NT5DC3: variants seen among roughly 807,000 people sequenced by gnomAD.
NT5DC3 encodes 5'-nucleotidase domain-containing protein 3.
In NT5DC3, 42 loss-of-function variants were observed where a neutral mutation model predicts 67.8. The ratio of observed to expected loss-of-function variants is 0.62; its 90% CI spans 0.48 to 0.80. NT5DC3 has a LOEUF of 0.80. Ranked by LOEUF, NT5DC3 falls within the 30% of genes least tolerant of loss-of-function variation. The pLI, the probability that NT5DC3 is intolerant of heterozygous loss-of-function variation, is 0.00. For synonymous variants in NT5DC3, 237 were observed against 255.6 expected (o/e 0.93, Z 0.69); for missense variants, 570 against 696.4 (o/e 0.82, Z 2.04).
chr12:103,757,926 C>G, the NT5DC3 span: 1 of 537,070 alleles, frequency 1.9e-6, no homozygotes, highest in Non-Finnish European at 3.3e-6. Context: ...AAGGGCTGCT[C>G]AAGCAGCCAC....
rs1885224341 is a variant in NT5DC3, at chr12:103,772,906, C to T, written c.*4923G>A. 6.6e-6 allele frequency: 1 copy of T among 152,236 alleles called. No individual in the cohort carries two copies. The highest frequency in any genetic ancestry group is 6.5e-5 in the Admixed American group (1 of 15,270). The allele number at this position is 152,236 out of a possible 1,614,324, so 9.4% of individuals were successfully genotyped here. On this transcript the variant is annotated 3_prime_UTR_variant, in exon 14 of 14. Coordinates refer to ENST00000392876, the MANE Select transcript of NT5DC3 (RefSeq NM_001031701.3). ...CCAGCTGTTAGGGGAGTATGTCCTT[C>T]AGTCTGGAAAGGTCATCCGGGCAGC... is the stretch of plus-strand genomic sequence containing the variant.
At chr12:103,772,034 C>A (rs1885196595), downstream of NT5DC3, among the ~76,000 whole-genome samples, 1 of 152,126 alleles carries the variant, frequency 6.6e-6, no homozygotes, top group Non-Finnish European at 1.5e-5. Flanking sequence ...GCTCTGAAAA[C>A]AAGTGGGTGT....
chr12:103,749,557 C>T, the NT5DC3 span, among the ~76,000 whole-genome samples: 63 of 151,682 alleles, frequency 4.2e-4, no homozygotes, highest in Non-Finnish European at 5.3e-4. Flanking sequence ...TGGCCGGGCA[C>T]GGTGGCTCAC....
chr12:103,816,967 C>CTTTTTTTTTTTTTT (rs376622215), intron 1 of NT5DC3, among the ~76,000 whole-genome samples: 9 of 118,950 alleles, frequency 7.6e-5, no homozygotes, highest in East Asian at 4.7e-4. Context: ...TTTCTTTTTT[C>CTTTTTTTTTTTTTT]TTTTTTTTTT....
chr12:103,782,297 G>A (rs774259921), intron 12 of NT5DC3, among the ~76,000 whole-genome samples: 5 of 152,208 alleles, frequency 3.3e-5, no homozygotes, highest in Admixed American at 6.5e-5. Context: ...GAGCCTGGGA[G>A]GCAGAGGCTG....
At chr12:103,759,261 C>T in the NT5DC3 span, 1 of 1,614,056 alleles carries the variant, frequency 6.2e-7, no homozygotes, top group Non-Finnish European at 8.5e-7. Flanking sequence ...CCAGCCAGGA[C>T]CCACTCCAAC....
the NT5DC3 span, chr12:103,758,999 C>T: frequency 6.9e-7 from 1 of 1,457,386 alleles, no homozygotes; most frequent in African/African-American, 1.4e-5. Flanking sequence ...AAAACCTTGA[C>T]ATTTCCTGAT....
At chr12:103,753,428 G>A in the NT5DC3 span, 1 of 1,601,486 alleles carries the variant, frequency 6.2e-7, no homozygotes, top group South Asian at 1.1e-5. Flanking sequence ...TTAAGATGGG[G>A]AAGACTTGAG....
the NT5DC3 span, chr12:103,746,441 C>T: frequency 4.6e-6 from 3 of 652,994 alleles, no homozygotes; most frequent in African/African-American, 5.4e-5. Flanking sequence ...ATCTCCAAGG[C>T]TAGAAAAGAC....
intron 1 of NT5DC3, among the ~76,000 whole-genome samples, chr12:103,836,312 T>G (rs983823049): frequency 6.6e-6 from 1 of 152,114 alleles, no homozygotes; most frequent in Non-Finnish European, 1.5e-5. Context: ...ACAAGATAAG[T>G]CCCTTCCGCC....
At chr12:103,820,581 T>A (rs182918985) in intron 1 of NT5DC3, among the ~76,000 whole-genome samples, 1 of 152,252 alleles carries the variant, frequency 6.6e-6, no homozygotes, top group East Asian at 1.9e-4. Context: ...GCTAAATGAC[T>A]CTCCCTTAGT....
rs1593400765 is a variant in NT5DC3 at position 103,796,764 on chromosome 12, C to A, written c.753+130G>T. ...TTTCTTGTAATGTTCAAGGTTAAAC[C>A]ACATATAAGAGTTCCCAGCTAAGAG... On this transcript the variant is annotated intron_variant, in intron 6 of 13. Coordinates refer to ENST00000392876, the MANE Select transcript of NT5DC3 (RefSeq NM_001031701.3). The A allele has an allele frequency of 1.7e-5, 15 of 860,436 alleles. No individual in the cohort carries two copies. In the East Asian group the frequency reaches 3.2e-4, roughly 18 times the overall value. The allele number at this position is 860,436 out of a possible 1,614,324, so 53.3% of individuals were successfully genotyped here. A position where few individuals can be genotyped will look rare whatever the true frequency, so the allele number is the denominator to read the frequency against.
At chr12:103,822,238 A>C (rs1887521256) in intron 1 of NT5DC3, among the ~76,000 whole-genome samples, 1 of 152,102 alleles carries the variant, frequency 6.6e-6, no homozygotes, top group Non-Finnish European at 1.5e-5. Flanking sequence ...ACAGATTTGC[A>C]ACATAAGATT....
At chr12:103,795,245 T>C (rs917497357) in intron 6 of NT5DC3, among the ~76,000 whole-genome samples, 2 of 152,224 alleles carry the variant, frequency 1.3e-5, no homozygotes, top group Non-Finnish European at 2.9e-5. Flanking sequence ...TCGATGTCCT[T>C]ATTTGTAAAA....
chr12:103,775,000 G>C lies in NT5DC3; in HGVS notation c.*2829C>G, dbSNP rs978040668. 2 of 135,410 alleles carry C rather than the reference G, an allele frequency of 1.5e-5. No individual in the cohort carries two copies. Among genetic ancestry groups the C allele is most frequent in the Non-Finnish European group, 3.1e-5 (2 of 64,844 alleles). 8.4% of individuals were successfully genotyped at this position (135,410 alleles called of 1,614,324 possible). On this transcript the variant is annotated 3_prime_UTR_variant, in exon 14 of 14. Transcript: ENST00000392876. ...CACTCCAGAATGGGCAACAGAGCGA[G>C]ACCTTGCCTCAAAAAAAAAAAAAAA...
At chr12:103,817,337 C>T (rs1887306286) in intron 1 of NT5DC3, among the ~76,000 whole-genome samples, 1 of 152,144 alleles carries the variant, frequency 6.6e-6, no homozygotes, top group African/African-American at 2.4e-5. Flanking sequence ...ACAGACTATC[C>T]TATTTTGCTA....
intron 1 of NT5DC3, among the ~76,000 whole-genome samples, chr12:103,836,794 T>C (rs1299960497): frequency 3.9e-5 from 6 of 152,264 alleles, no homozygotes; most frequent in African/African-American, 1.4e-4. Context: ...TCCTGTGGCT[T>C]TGCAGGGTAC....
chr12:103,837,071 T>A (rs529197892), intron 1 of NT5DC3, among the ~76,000 whole-genome samples: 1 of 152,324 alleles, frequency 6.6e-6, no homozygotes, highest in East Asian at 1.9e-4. Context: ...TTTCCATACA[T>A]CTTCTGAAAT....
chr12:103,834,073 G>T (rs1281207904), intron 1 of NT5DC3, among the ~76,000 whole-genome samples: 1 of 151,836 alleles, frequency 6.6e-6, no homozygotes, highest in African/African-American at 2.4e-5. Flanking sequence ...CAGCAACCCT[G>T]GCCTCTAGAG....
Sources: gnomAD v4.1 joint callset for allele counts (sites outside exome capture counted in the v4.1 genomes callset) on GRCh38, gnomAD v4.1.1 for gene constraint, MANE v1.5 for transcripts, NCBI Gene and HGNC (gene_info 2026-07-23, HGNC 2026-07-21) for gene names.